Variants in DAAM1 observed in about 807,000 individuals in gnomAD.
DAAM1 encodes dishevelled associated activator of morphogenesis 1, also known as disheveled-associated activator of morphogenesis 1.
Under a neutral mutation model 130.0 loss-of-function variants are expected in DAAM1, and 52 were observed. That is an observed-to-expected ratio of 0.40 (90% CI 0.32 to 0.50). The LOEUF is 0.50. Among genes scored for constraint, DAAM1 ranks in the 20% least tolerant of loss-of-function variants. DAAM1 has a pLI of 0.61. For missense variants in DAAM1, 1,134 were observed against 1,303.8 expected (o/e 0.87, Z 2.01); for synonymous variants, 452 against 444.5 (o/e 1.02, Z -0.21).
At chr14:59,331,727 G>T in intron 14 of DAAM1, 86 bp from the exon 15 acceptor site, 1 of 1,504,688 alleles carries the variant, frequency 6.6e-7, no homozygotes, top group South Asian at 1.3e-5. Flanking sequence ...TGAAAAATTT[G>T]GGATAGAAGC....
At chr14:59,346,162 G>T (rs1886075393) in intron 16 of DAAM1, among the ~76,000 whole-genome samples, 1 of 149,288 alleles carries the variant, frequency 6.7e-6, no homozygotes, top group African/African-American at 2.5e-5. Flanking sequence ...TGCCTGGAGG[G>T]ATGCAGTTAT....
chr14:59,205,965 G>A (rs1049112912), intron 1 of DAAM1, among the ~76,000 whole-genome samples: 2 of 152,108 alleles, frequency 1.3e-5, no homozygotes, highest in African/African-American at 2.4e-5. Flanking sequence ...CCGAGCTCAG[G>A]TGATCCTCCC....
chr14:59,256,356 T>C (rs1239263301), intron 1 of DAAM1, among the ~76,000 whole-genome samples: 1 of 152,220 alleles, frequency 6.6e-6, no homozygotes, highest in African/African-American at 2.4e-5. Context: ...TGACTGTTGC[T>C]ACATTGAGAG....
chr14:59,230,653 A>G (rs1046657755), intron 1 of DAAM1, among the ~76,000 whole-genome samples: 1 of 151,938 alleles, frequency 6.6e-6, no homozygotes, highest in Non-Finnish European at 1.5e-5. Flanking sequence ...AAAAACTCAG[A>G]ATGAATGAGA....
chr14:59,231,098 G>T (rs558307011), intron 1 of DAAM1, among the ~76,000 whole-genome samples: 10 of 152,214 alleles, frequency 6.6e-5, no homozygotes, highest in African/African-American at 2.4e-4. Context: ...ATATTACTTT[G>T]TTTATTAAAC....
Position 59,282,559 on chromosome 14 carries a change from T to A in DAAM1, c.184-8658T>A, listed in dbSNP as rs144212866. Among the ~76,000 whole-genome samples the A allele has an allele frequency of 5.0e-3, 768 of 152,220 alleles. 10 individuals carry two copies. The highest frequency in any genetic ancestry group is 0.017 in the African/African-American group (711 of 41,536). On this transcript the variant is annotated intron_variant, in intron 2 of 24. Coordinates refer to ENST00000360909, the MANE Select transcript of DAAM1 (RefSeq NM_001270520.2). ...CAGTAGATGGATGCATTTTGATGTT[T>A]GTATCAGTGTCGTGATTTTGCCTAC...
At chr14:59,333,373 C>T (rs1176178986) in intron 15 of DAAM1, among the ~76,000 whole-genome samples, 1 of 152,186 alleles carries the variant, frequency 6.6e-6, no homozygotes, top group Non-Finnish European at 1.5e-5. Context: ...GAAGATAAGG[C>T]ATTGGCCAAT....
At chr14:59,298,942 C>T (rs181678673) in intron 3 of DAAM1, among the ~76,000 whole-genome samples, 152 of 152,286 alleles carry the variant, frequency 1.0e-3, no homozygotes, top group African/African-American at 3.6e-3. Flanking sequence ...TTCTCCTTAA[C>T]GAGGCAGCAG....
chr14:59,229,678 C>T (rs1889044699), intron 1 of DAAM1, among the ~76,000 whole-genome samples: 1 of 152,176 alleles, frequency 6.6e-6, no homozygotes, highest in South Asian at 2.1e-4. Context: ...GTTCCAAAAA[C>T]ATGGTAACAG....
chr14:59,276,854 A>G (rs1206018236), intron 2 of DAAM1, among the ~76,000 whole-genome samples: 1 of 152,188 alleles, frequency 6.6e-6, no homozygotes. Context: ...GCTAACCTCA[A>G]GGGCCTGTCT....
intron 1 of DAAM1, among the ~76,000 whole-genome samples, chr14:59,205,193 A>G (rs1425012532): frequency 6.6e-6 from 1 of 152,232 alleles, no homozygotes; most frequent in Non-Finnish European, 1.5e-5. Flanking sequence ...AATTTGTTAA[A>G]GTGAAAATAA....
chr14:59,263,419 A>G (rs980160900), intron 1 of DAAM1, 22 bp from the exon 2 acceptor site: 12 of 1,598,738 alleles, frequency 7.5e-6, no homozygotes, highest in African/African-American at 2.7e-5. Context: ...ACTCTTAACC[A>G]TGTCATATCC....
chr14:59,267,725 G>C (rs1480860686), intron 2 of DAAM1, among the ~76,000 whole-genome samples: 1 of 152,004 alleles, frequency 6.6e-6, no homozygotes, highest in Non-Finnish European at 1.5e-5. Flanking sequence ...TTGTGTCTCT[G>C]AGAATTTGGC....
chr14:59,351,153 C>A (rs1886279323), intron 17 of DAAM1, among the ~76,000 whole-genome samples: 1 of 150,946 alleles, frequency 6.6e-6, no homozygotes. Flanking sequence ...TTTGACTCTT[C>A]CTCTCTCATA....
At chr14:59,193,987 A>G (rs1887810447) in intron 1 of DAAM1, among the ~76,000 whole-genome samples, 1 of 152,260 alleles carries the variant, frequency 6.6e-6, no homozygotes, top group Non-Finnish European at 1.5e-5. Flanking sequence ...GCACATAATT[A>G]TACAAGATAG....
chr14:59,195,258 C>T (rs564004295), intron 1 of DAAM1, among the ~76,000 whole-genome samples: 2 of 151,700 alleles, frequency 1.3e-5, no homozygotes, highest in Non-Finnish European at 2.9e-5. Flanking sequence ...ATTCTCCTGC[C>T]TCAGCCTCCT....
chr14:59,333,333 C>G (rs777865179), intron 15 of DAAM1, among the ~76,000 whole-genome samples: 2 of 152,004 alleles, frequency 1.3e-5, no homozygotes, highest in Non-Finnish European at 2.9e-5. Context: ...GCTATACACA[C>G]CAAATAAGGG....
At chr14:59,201,793 C>CAAA (rs75591936) in intron 1 of DAAM1, among the ~76,000 whole-genome samples, 3 of 101,548 alleles carry the variant, frequency 3.0e-5, no homozygotes, top group East Asian at 3.7e-4. Context: ...GATACTGTCT[C>CAAA]AAAAAAAAAA....
At chr14:59,206,086 T>C (rs1888247955) in intron 1 of DAAM1, among the ~76,000 whole-genome samples, 1 of 151,962 alleles carries the variant, frequency 6.6e-6, no homozygotes, top group Non-Finnish European at 1.5e-5. Context: ...ACTCCTGGGC[T>C]CAAGCAATTC....
Sources: allele counts gnomAD v4.1 joint callset (sites outside exome capture counted in the v4.1 genomes callset), GRCh38; gene constraint gnomAD v4.1.1; transcripts MANE v1.5; gene names NCBI Gene and HGNC (gene_info 2026-07-23, HGNC 2026-07-21).